CA10: variants seen among roughly 807,000 people sequenced by gnomAD.
CA10 encodes carbonic anhydrase-related protein 10.
In CA10, 14 loss-of-function variants were observed where a neutral mutation model predicts 44.2. That is an observed-to-expected ratio of 0.32 (90% CI 0.21 to 0.50). The LOEUF (loss-of-function observed/expected upper bound fraction) is 0.50, where lower values mean the gene tolerates loss of function less well. Ranked by LOEUF, CA10 falls within the 20% of genes least tolerant of loss-of-function variation. CA10 has a pLI of 0.99. For synonymous variants in CA10, 159 were observed against 141.6 expected (o/e 1.12, Z -0.87); for missense variants, 350 against 409.7 (o/e 0.85, Z 1.26).
At chr17:52,091,376 G>A (rs957790766) in intron 1 of CA10, among the ~76,000 whole-genome samples, 6 of 152,140 alleles carry the variant, frequency 3.9e-5, no homozygotes, top group South Asian at 2.1e-4. Flanking sequence ...TTTCACTGAG[G>A]ACCCTAACAA....
chr17:51,933,395 C>T (rs1035229467), intron 2 of CA10, among the ~76,000 whole-genome samples: 1 of 151,806 alleles, frequency 6.6e-6, no homozygotes, highest in Admixed American at 6.6e-5. Context: ...ACTCTGCTGG[C>T]TTTGAAGATG....
intron 2 of CA10, among the ~76,000 whole-genome samples, chr17:52,072,018 T>C (rs1384836208): frequency 6.6e-6 from 1 of 152,232 alleles, no homozygotes; most frequent in African/African-American, 2.4e-5. Context: ...GTTTCATTAA[T>C]GTTAAGAAAT....
At chr17:51,790,918 T>C (rs1329688913) in intron 3 of CA10, among the ~76,000 whole-genome samples, 1 of 152,228 alleles carries the variant, frequency 6.6e-6, no homozygotes, top group Non-Finnish European at 1.5e-5. Context: ...AGGAGCCAAC[T>C]TGCATGGAAG....
intron 3 of CA10, among the ~76,000 whole-genome samples, chr17:51,845,342 G>C (rs1486912938): frequency 2.0e-5 from 3 of 152,188 alleles, no homozygotes; most frequent in Non-Finnish European, 4.4e-5. Flanking sequence ...GAAGTTGGCT[G>C]TCAAGTCGTG....
At chr17:51,775,478 A>G (rs1323475457) in intron 3 of CA10, among the ~76,000 whole-genome samples, 1 of 152,134 alleles carries the variant, frequency 6.6e-6, no homozygotes, top group African/African-American at 2.4e-5. Context: ...AGGGAATGTT[A>G]TTTACTATAG....
chr17:51,827,850 A>G (rs1908087752), intron 3 of CA10, among the ~76,000 whole-genome samples: 1 of 152,182 alleles, frequency 6.6e-6, no homozygotes, highest in Admixed American at 6.5e-5. Context: ...TGGCCATGGG[A>G]GTTCTGGCTA....
At chr17:52,086,480 T>TA (rs1409181751) in intron 1 of CA10, among the ~76,000 whole-genome samples, 1 of 152,208 alleles carries the variant, frequency 6.6e-6, no homozygotes, top group East Asian at 1.9e-4. Context: ...AACCTAGAAA[T>TA]AATATTCACT....
chr17:51,636,574 C>T (rs890418358), intron 6 of CA10, among the ~76,000 whole-genome samples: 16 of 152,250 alleles, frequency 1.1e-4, no homozygotes, highest in Admixed American at 6.5e-4. Flanking sequence ...TTGAGGAGTC[C>T]TTGATTCTAG....
intron 2 of CA10, among the ~76,000 whole-genome samples, chr17:51,992,125 T>C (rs1402621993): frequency 6.6e-6 from 1 of 152,158 alleles, no homozygotes; most frequent in African/African-American, 2.4e-5. Flanking sequence ...GATATAGCTG[T>C]GAACCTTCCA....
intron 2 of CA10, among the ~76,000 whole-genome samples, chr17:51,950,595 TGG>T (rs926593083): frequency 2.6e-5 from 4 of 152,150 alleles, no homozygotes; most frequent in African/African-American, 7.2e-5. Context: ...CCTCTTCATT[TGG>T]GCCACCGCTT....
At chr17:51,854,036 G>A (rs534957067) in intron 3 of CA10, among the ~76,000 whole-genome samples, 1 of 152,326 alleles carries the variant, frequency 6.6e-6, no homozygotes, top group South Asian at 2.1e-4. Flanking sequence ...TTATGACTCA[G>A]TCTCTGCACC....
intron 3 of CA10, among the ~76,000 whole-genome samples, chr17:51,878,474 G>A (rs2143878212): frequency 6.6e-6 from 1 of 152,122 alleles, no homozygotes; most frequent in South Asian, 2.1e-4. Context: ...ATCACAATCT[G>A]TCATAGGATA....
rs538636227 is a variant in CA10 at position 52,033,465 on chromosome 17, A to G, written c.136+38854T>C. Among the ~76,000 whole-genome samples the G allele has an allele frequency of 1.2e-3, 184 of 152,262 alleles. 5 individuals carry two copies. The South Asian group carries it at 0.023, about 19-fold the overall frequency. On this transcript the variant is annotated intron_variant, in intron 2 of 8. Transcript: ENST00000451037. ...TGTGTATCCAAGAATAAAAAAGAACATTCATTGCATATTGTTTATCATAGC... is the reference window on the plus strand; with the variant it reads ...TGTGTATCCAAGAATAAAAAAGAACGTTCATTGCATATTGTTTATCATAGC...
At chr17:51,651,560 G>A (rs916456541) in intron 5 of CA10, among the ~76,000 whole-genome samples, 3 of 152,206 alleles carry the variant, frequency 2.0e-5, no homozygotes, top group Admixed American at 1.3e-4. Flanking sequence ...TACAGCCTAA[G>A]TTTCTTTCAA....
chr17:51,706,735 T>G (rs1313198794), intron 4 of CA10, among the ~76,000 whole-genome samples: 1 of 152,170 alleles, frequency 6.6e-6, no homozygotes, highest in East Asian at 1.9e-4. Flanking sequence ...AGCCAACTTT[T>G]TTGATCCTAT....
chr17:52,090,607 G>A (rs891223196), intron 1 of CA10, among the ~76,000 whole-genome samples: 5 of 152,086 alleles, frequency 3.3e-5, no homozygotes, highest in Non-Finnish European at 7.4e-5. Context: ...AAAGTTAAAT[G>A]TAAAATGAAA....
chr17:51,710,380 T>C (rs1915896431), intron 4 of CA10, among the ~76,000 whole-genome samples: 1 of 152,132 alleles, frequency 6.6e-6, no homozygotes, highest in Non-Finnish European at 1.5e-5. Context: ...AGGAGCTCCC[T>C]GAGCTGTTTT....
intron 3 of CA10, among the ~76,000 whole-genome samples, chr17:51,879,044 A>G (rs763671196): frequency 1.1e-4 from 16 of 151,340 alleles, no homozygotes; most frequent in Non-Finnish European, 1.9e-4. Flanking sequence ...AAATAAAAAC[A>G]TATACTATAT....
chr17:51,824,556 A>G (rs1293270295), intron 3 of CA10, among the ~76,000 whole-genome samples: 1 of 152,254 alleles, frequency 6.6e-6, no homozygotes, highest in East Asian at 1.9e-4. Context: ...TTAAAACTTT[A>G]AATAAAGGCA....
Sources: allele counts gnomAD v4.1 joint callset (sites outside exome capture counted in the v4.1 genomes callset), GRCh38; gene constraint gnomAD v4.1.1; transcripts MANE v1.5; gene names NCBI Gene and HGNC (gene_info 2026-07-23, HGNC 2026-07-21).